Variants in RAI2 observed in about 807,000 individuals in gnomAD.
RAI2 encodes the protein retinoic acid-induced protein 2.
Under a neutral mutation model 15.3 loss-of-function variants are expected in RAI2, and 5 were observed. That is an observed-to-expected ratio of 0.33 (90% CI 0.17 to 0.69). The LOEUF (loss-of-function observed/expected upper bound fraction) is 0.69, where lower values mean the gene tolerates loss of function less well. Among genes scored for constraint, RAI2 ranks in the 30% least tolerant of loss-of-function variants. RAI2 has a pLI of 0.69. For missense variants in RAI2, 424 were observed against 424.7 expected (o/e 1.00, Z 0.01); for synonymous variants, 191 against 184.0 (o/e 1.04, Z -0.31).
At chrX:17,833,346 AC>A (rs1175344110) in intron 1 of RAI2, among the ~76,000 whole-genome samples, 7 of 110,805 alleles carry the variant, frequency 6.3e-5, no homozygotes, top group Non-Finnish European at 1.3e-4. Context: ...ATGTGGTGAA[AC>A]CCTGTCGCTA....
At chrX:17,847,796 G>A (rs1392520309) in intron 1 of RAI2, among the ~76,000 whole-genome samples, 1 of 112,121 alleles carries the variant, frequency 8.9e-6, no homozygotes, top group African/African-American at 3.2e-5. Flanking sequence ...AATATCCACA[G>A]TGGAGTTAAC....
intron 1 of RAI2, among the ~76,000 whole-genome samples, chrX:17,853,521 T>C (rs2067561803): frequency 9.0e-6 from 1 of 111,309 alleles, no homozygotes; most frequent in Non-Finnish European, 1.9e-5. Flanking sequence ...ATCTAGTGGG[T>C]GGAGGCCAGG....
chrX:17,806,463 C>T (rs2066982643), intron 1 of RAI2, among the ~76,000 whole-genome samples: 1 of 111,957 alleles, frequency 8.9e-6, no homozygotes, highest in Non-Finnish European at 1.9e-5. Context: ...GGCAGTGTGG[C>T]TGGGTAGGAA....
chrX:17,827,568 C>T (rs762348779), intron 1 of RAI2, among the ~76,000 whole-genome samples: 20 of 111,944 alleles, frequency 1.8e-4, no homozygotes, highest in Non-Finnish European at 3.4e-4. Context: ...GAAACTGAGG[C>T]ATGCAAAGAA....
intron 1 of RAI2, among the ~76,000 whole-genome samples, chrX:17,815,323 GCACACACACACA>G (rs5901632): frequency 0.12 from 11,886 of 100,840 alleles, 671 homozygotes; most frequent in Middle Eastern, 0.25. Context: ...GTGCACACGT[GCACACACACACA>G]CACACACACA....
chrX:17,801,863 G>C lies in RAI2; in HGVS notation c.148C>G (p.Leu50Val). ...INSTDLVKKA[L>V]VTVPAPSILN... ...ATGGATGGGGCTGGCACGGTCACCA[G>C]GGCCTTCTTTACCAGGTCAGTGGAG... Residue 50 changes from leucine (L) to valine (V), a missense_variant, in exon 2 of 2, where the codon CTG (leucine) becomes GTG (valine). Transcript: ENST00000451717. 1.7e-6 allele frequency: 2 copies of C among 1,211,239 alleles called. No individual in the cohort carries two copies. Among genetic ancestry groups the C allele is most frequent in the Non-Finnish European group, 2.2e-6 (2 of 895,376 alleles).
chrX:17,857,484 G>T (rs1204253408), intron 1 of RAI2, among the ~76,000 whole-genome samples: 1 of 111,676 alleles, frequency 9.0e-6, no homozygotes, highest in Non-Finnish European at 1.9e-5. Context: ...CCAGCCTTTG[G>T]TCCCTCGTGG....
At chrX:17,819,469 G>C (rs777261615) in intron 1 of RAI2, among the ~76,000 whole-genome samples, 1 of 112,194 alleles carries the variant, frequency 8.9e-6, no homozygotes, top group South Asian at 3.7e-4. Context: ...CCTGTTGTCA[G>C]CCATTCCACT....
rs186784567 is a variant in RAI2, at chrX:17,836,213, G to T, written c.-25+24885C>A. 9.9e-5 allele frequency among the ~76,000 whole-genome samples: 11 copies of T among 111,489 alleles called. No homozygotes were observed. In the East Asian group the frequency reaches 3.1e-3, roughly 32 times the overall value. On this transcript the variant is annotated intron_variant, in intron 1 of 1. Coordinates refer to ENST00000451717, the MANE Select transcript of RAI2 (RefSeq NM_021785.6). ...AGGGAGCAATGGGACCAAGCTGTCT[G>T]CCCTCATTGTAGCTTGAAAATTAAG...
chrX:17,859,885 C>G (rs1277128880), intron 1 of RAI2, among the ~76,000 whole-genome samples: 2 of 112,510 alleles, frequency 1.8e-5, no homozygotes, highest in Non-Finnish European at 1.9e-5. Flanking sequence ...GATATGGTGT[C>G]GGCGCCTCCT....
chrX:17,842,645 A>G (rs1455779609), intron 1 of RAI2, among the ~76,000 whole-genome samples: 1 of 104,195 alleles, frequency 9.6e-6, no homozygotes, highest in African/African-American at 3.6e-5. Flanking sequence ...GATAAAGAAT[A>G]TATGTATAGG....
intron 1 of RAI2, among the ~76,000 whole-genome samples, chrX:17,859,535 G>C (rs1189768101): frequency 2.7e-5 from 3 of 112,668 alleles, no homozygotes; most frequent in Non-Finnish European, 5.6e-5. Context: ...ATGAGAATAC[G>C]CGGTTATCAA....
At chrX:17,824,176 G>C (rs2067201998) in intron 1 of RAI2, among the ~76,000 whole-genome samples, 1 of 112,672 alleles carries the variant, frequency 8.9e-6, no homozygotes. Flanking sequence ...AAACTTTCTA[G>C]AGGGCAATTT....
At chrX:17,805,957 C>T (rs1003181261) in intron 1 of RAI2, among the ~76,000 whole-genome samples, 2 of 111,957 alleles carry the variant, frequency 1.8e-5, no homozygotes, top group Admixed American at 9.4e-5. Context: ...CTCACTACAT[C>T]TCCTCCTCTT....
chrX:17,855,765 AAAAT>A (rs1228311554), intron 1 of RAI2, among the ~76,000 whole-genome samples: 2 of 112,584 alleles, frequency 1.8e-5, no homozygotes, highest in Non-Finnish European at 3.7e-5. Flanking sequence ...CACATTTAAA[AAAAT>A]AAAAGAAGCC....
chrX:17,800,478 C>G lies in RAI2; in HGVS notation c.1533G>C (p.Gln511His). ...TTTTGATTGGGAGCATGTGTATTTCCTGGGAGTTCACTTTCTTTAACTTTA... is the reference window on the plus strand; with the variant it reads ...TTTTGATTGGGAGCATGTGTATTTCGTGGGAGTTCACTTTCTTTAACTTTA... ...RSIKLKKVNS[Q>H]EIHMLPIKKQ... Residue 511 changes from glutamine to histidine, a missense_variant, in exon 2 of 2, where the codon CAG becomes CAC. Physicochemically the swap from Gln to His is conservative, Grantham distance 24. Transcript: ENST00000451717. 8.3e-7 allele frequency: 1 copy of G among 1,210,320 alleles called. No homozygotes were observed. The highest frequency in any genetic ancestry group is 2.3e-4 in the Middle Eastern group (1 of 4,344).
chrX:17,812,989 G>A (rs1190767500), intron 1 of RAI2, among the ~76,000 whole-genome samples: 1 of 111,602 alleles, frequency 9.0e-6, no homozygotes, highest in Admixed American at 9.5e-5. Context: ...CTTGGTTGCA[G>A]GACAGCAGGG....
chrX:17,836,030 C>G (rs2067329970), intron 1 of RAI2, among the ~76,000 whole-genome samples: 1 of 111,684 alleles, frequency 9.0e-6, no homozygotes, highest in African/African-American at 3.3e-5. Flanking sequence ...AGCCATTTTC[C>G]TCAGAGATAC....
chrX:17,836,547 T>A (rs1473238059), intron 1 of RAI2, among the ~76,000 whole-genome samples: 1 of 111,845 alleles, frequency 8.9e-6, no homozygotes, highest in Admixed American at 9.5e-5. Context: ...TTCTGCACCA[T>A]TGTAAAGGTG....
Sources: gnomAD v4.1 joint callset for allele counts (sites outside exome capture counted in the v4.1 genomes callset) on GRCh38, gnomAD v4.1.1 for gene constraint, MANE v1.5 for transcripts, NCBI Gene and HGNC (gene_info 2026-07-23, HGNC 2026-07-21) for gene names.